The following ZNF516 variants were observed in gnomAD, a reference collection of about 807,000 sequenced individuals.
ZNF516 encodes the protein zinc finger protein 516.
A neutral mutation model predicts 79.7 loss-of-function variants in ZNF516; 19 were observed. The ratio of observed to expected loss-of-function variants is 0.24; its 90% confidence interval spans 0.17 to 0.35. The LOEUF is 0.35. Among genes scored for constraint, ZNF516 ranks in the 10% least tolerant of loss-of-function variants. ZNF516 has a pLI of 1.00. For missense variants in ZNF516, 1,678 were observed against 1,679.5 expected (o/e 1.00, Z 0.02); for synonymous variants, 877 against 739.5 (o/e 1.19, Z -3.02).
intron 2 of ZNF516, among the ~76,000 whole-genome samples, chr18:76,461,648 C>T (rs754940951): frequency 2.0e-5 from 3 of 152,222 alleles, no homozygotes; most frequent in Admixed American, 6.5e-5. Context: ...AAACATACAT[C>T]GGGTGCTTAA....
chr18:76,434,774 G>A (rs116100113), intron 3 of ZNF516, among the ~76,000 whole-genome samples: 1,776 of 152,358 alleles, frequency 0.012, 37 homozygotes, highest in African/African-American at 0.041. Context: ...AAGAGTGCGT[G>A]TGCAGGATAC....
At chr18:76,486,277 TAAA>T (rs1568331825) in intron 1 of ZNF516, among the ~76,000 whole-genome samples, 49 of 152,208 alleles carry the variant, frequency 3.2e-4, no homozygotes, top group Non-Finnish European at 4.1e-4. Flanking sequence ...AATGCTAAAA[TAAA>T]TCAATGCCCA....
At position 76,379,393 on chromosome 18, in the gene ZNF516, C is replaced by T. The variant is rs1198283489; in HGVS notation, c.2721G>A (p.Lys907=). ...GTTTGGAGCTAGCCTCCTGCCTGGG[C>T]TTGGCCAGGGGCCCCTGTGTGGCCG... ...HGAATQGPLA[K]PRQEASSKPV... Residue 907 remains lysine (K), a synonymous_variant, in exon 4 of 7, where the codon AAG becomes AAA. Transcript: ENST00000443185. The T allele has an allele frequency of 1.2e-6, 2 of 1,602,332 alleles. No homozygotes were observed. The highest frequency in any genetic ancestry group is 1.7e-6 in the Non-Finnish European group (2 of 1,174,108).
chr18:76,414,825 T>C (rs1482868468), intron 3 of ZNF516, among the ~76,000 whole-genome samples: 3 of 152,276 alleles, frequency 2.0e-5, no homozygotes, highest in Non-Finnish European at 4.4e-5. Flanking sequence ...AATCAAGTGA[T>C]ACGTGTGTGC....
intron 1 of ZNF516, among the ~76,000 whole-genome samples, chr18:76,483,649 C>T (rs916122557): frequency 2.6e-5 from 4 of 152,166 alleles, no homozygotes; most frequent in East Asian, 1.9e-4. Context: ...TGGTCTTCTC[C>T]GACCCCTTTC....
rs1285067680 is a variant in ZNF516 at position 76,443,185 on chromosome 18, G to C, written c.-131C>G. 5.9e-6 allele frequency: 8 copies of C among 1,355,928 alleles called. No homozygotes were observed. Among genetic ancestry groups the C allele is most frequent in the Non-Finnish European group, 7.7e-6 (8 of 1,034,374 alleles). 84.0% of individuals were successfully genotyped at this position (1,355,928 alleles called of 1,614,324 possible). A position where few individuals can be genotyped will look rare whatever the true frequency, so the allele number is the denominator to read the frequency against. The stretch of plus-strand genomic sequence containing the variant: ...TCCCAGGAGGTGCACCTTCTACATG[G>C]GGGGCGCAGCAGCTGGCAGCCAGCA... On this transcript the variant is annotated 5_prime_UTR_variant, in exon 3 of 7. Coordinates refer to ENST00000443185, the MANE Select transcript of ZNF516 (RefSeq NM_014643.4).
chr18:76,492,792 A>G, intron 1 of ZNF516: 1 of 985,710 alleles, frequency 1.0e-6, no homozygotes, highest in Non-Finnish European at 1.2e-6. Context: ...TCTAAACCCC[A>G]TGCTTCACAG....
intron 1 of ZNF516, 114 bp downstream of exon 1, chr18:76,495,030 C>A (rs1029399681): frequency 1.3e-5 from 2 of 150,678 alleles, no homozygotes; most frequent in Non-Finnish European, 3.0e-5. Flanking sequence ...CGCCTCCCCC[C>A]CTACCCCCAG....
At chr18:76,463,627 C>T (rs1476700722) in intron 1 of ZNF516, among the ~76,000 whole-genome samples, 1 of 152,198 alleles carries the variant, frequency 6.6e-6, no homozygotes, top group African/African-American at 2.4e-5. Context: ...GCCACCTACT[C>T]ACCTCCTCCG....
chr18:76,361,323 G>A lies in ZNF516; in HGVS notation c.*1175C>T, dbSNP rs2074534422. Reference sequence around the variant, plus strand: ...TGCATGGTTTAAGATCCTTTGTTATGGGCCTTAACCCCCACCACAAAAACT... The same window carrying A: ...TGCATGGTTTAAGATCCTTTGTTATAGGCCTTAACCCCCACCACAAAAACT... On this transcript the variant is annotated 3_prime_UTR_variant, in exon 7 of 7. Transcript: ENST00000443185. 1 of 152,122 alleles carries A rather than the reference G, an allele frequency of 6.6e-6. No individual in the cohort carries two copies. Among genetic ancestry groups the A allele is most frequent in the Non-Finnish European group, 1.5e-5 (1 of 68,016 alleles). The allele number at this position is 152,122 out of a possible 1,614,324, so 9.4% of individuals were successfully genotyped here.
intron 1 of ZNF516, chr18:76,492,722 A>C: frequency 2.0e-6 from 2 of 985,358 alleles, no homozygotes; most frequent in South Asian, 9.4e-5. Flanking sequence ...GCTGAGAAAC[A>C]ATCACAGCCC....
chr18:76,485,662 A>G (rs1856075483), intron 1 of ZNF516, among the ~76,000 whole-genome samples: 1 of 152,180 alleles, frequency 6.6e-6, no homozygotes, highest in Non-Finnish European at 1.5e-5. Context: ...GGGGTTCCAT[A>G]CTAATAAATT....
intron 3 of ZNF516, among the ~76,000 whole-genome samples, chr18:76,438,886 G>C (rs142972797): frequency 6.6e-6 from 1 of 152,330 alleles, no homozygotes; most frequent in East Asian, 1.9e-4. Context: ...GCTGCTGCTT[G>C]TAAGAACCAC....
intron 3 of ZNF516, among the ~76,000 whole-genome samples, chr18:76,415,831 T>C (rs1371579782): frequency 6.6e-6 from 1 of 152,198 alleles, no homozygotes; most frequent in Non-Finnish European, 1.5e-5. Flanking sequence ...CCGTGAGGCA[T>C]AAATGAGGCC....
chr18:76,492,412 C>T, intron 1 of ZNF516: 1 of 968,984 alleles, frequency 1.0e-6, no homozygotes, highest in Non-Finnish European at 1.2e-6. Context: ...CAGACGCAGC[C>T]AGGGCGCAGC....
rs1386647219 is a variant in ZNF516, at chr18:76,467,867, TA to T, written c.-271-4727del. ...CCATCCCGCTCAGGGCAGCTACATA[TA>T]AGTAATAAACGAAGGACAGAAATGA... On this transcript the variant is annotated intron_variant, in intron 1 of 6. Coordinates refer to ENST00000443185, the MANE Select transcript of ZNF516 (RefSeq NM_014643.4). This position sits in a 1 kb window ranked among gnomAD's most constrained non-coding sequence, Gnocchi z 4.2. 6.6e-6 allele frequency among the ~76,000 whole-genome samples: 1 copy of T among 152,186 alleles called. No individual in the cohort carries two copies. The highest frequency in any genetic ancestry group is 6.5e-5 in the Admixed American group (1 of 15,278).
rs1322448144 is a variant in ZNF516 at position 76,379,356 on chromosome 18, G to C, written c.2758C>G (p.Pro920Ala). The C allele has an allele frequency of 6.3e-7, 1 of 1,594,018 alleles. No homozygotes were observed. The highest frequency in any genetic ancestry group is 8.5e-7 in the Non-Finnish European group (1 of 1,169,850). ...QEASSKPVPAPGGGGFSRSAT... is the reference protein window; with the variant it reads ...QEASSKPVPAAGGGGFSRSAT... ...CTCCTGCTGAAGCCCCCGCCACCCG[G>C]GGCAGGCACCGGTTTGGAGCTAGCC... The change falls in exon 4 of 7, where the codon CCG (proline) becomes GCG (alanine). Residue 920 changes from proline (P) to alanine (A), a missense_variant. Transcript: ENST00000443185.
intron 3 of ZNF516, among the ~76,000 whole-genome samples, chr18:76,380,585 TC>T (rs1340569099): frequency 3.3e-5 from 5 of 152,060 alleles, no homozygotes; most frequent in African/African-American, 7.2e-5. Context: ...AACGACGCTG[TC>T]CCTAGTTAAC....
At chr18:76,477,774 C>T (rs557256819) in intron 1 of ZNF516, among the ~76,000 whole-genome samples, 3 of 152,098 alleles carry the variant, frequency 2.0e-5, no homozygotes, top group Admixed American at 1.3e-4. Context: ...CACAAAAAAA[C>T]CTGCTGAAAC....
Sources: gnomAD v4.1 joint callset for allele counts (sites outside exome capture counted in the v4.1 genomes callset) on GRCh38, gnomAD v4.1.1 for gene constraint, Gnocchi (gnomAD v3.1) non-coding constraint, MANE v1.5 for transcripts, NCBI Gene and HGNC (gene_info 2026-07-23, HGNC 2026-07-21) for gene names.